The following ALCAM variants were observed in gnomAD, a reference collection of about 807,000 sequenced individuals.
The protein encoded by ALCAM is CD166 antigen.
Under a neutral mutation model 70.9 loss-of-function variants are expected in ALCAM, and 30 were observed. The observed-to-expected ratio is 0.42, with a 90% CI of 0.32 to 0.57. The LOEUF (loss-of-function observed/expected upper bound fraction) is 0.57. Ranked by LOEUF, ALCAM falls within the 20% of genes least tolerant of loss-of-function variation. The probability of loss-of-function intolerance (pLI) is 0.11; values close to 1 mark genes in which losing one functional copy is unlikely to be tolerated. For missense variants in ALCAM, 591 were observed against 695.1 expected (o/e 0.85, Z 1.68); for synonymous variants, 249 against 242.5 (o/e 1.03, Z -0.25).
At chr3:105,443,323 A>G (rs1937219449) in intron 1 of ALCAM, among the ~76,000 whole-genome samples, 1 of 152,318 alleles carries the variant, frequency 6.6e-6, no homozygotes, top group East Asian at 1.9e-4. Context: ...AGCTTTCTCC[A>G]GATCCTGATA....
intron 2 of ALCAM, among the ~76,000 whole-genome samples, chr3:105,521,269 C>T (rs941506447): frequency 2.2e-5 from 3 of 135,930 alleles, no homozygotes; most frequent in African/African-American, 8.3e-5. Flanking sequence ...CCACTGCAGT[C>T]CGCAGTCCGG....
intron 14 of ALCAM, among the ~76,000 whole-genome samples, chr3:105,566,535 T>A (rs570603623): frequency 6.6e-6 from 1 of 152,292 alleles, no homozygotes; most frequent in African/African-American, 2.4e-5. Context: ...TGCCTTCTTT[T>A]GAATTACTTA....
rs537376387 is a variant in ALCAM at position 105,552,766 on chromosome 3, A to G, written c.1664+181A>G. The stretch of plus-strand genomic sequence containing the variant: ...TTTGACTACACTGCCTTTGTCAGGG[A>G]CATGGCTTGGGATACTGTTTCACAT... On this transcript the variant is annotated intron_variant, in intron 14 of 15. Coordinates refer to ENST00000306107, the MANE Select transcript of ALCAM (RefSeq NM_001627.4). 7.1e-5 allele frequency: 101 copies of G among 1,419,998 alleles called. 1 individual carries two copies. In the South Asian group the frequency reaches 1.4e-3, roughly 20 times the overall value. 88.0% of individuals were successfully genotyped at this position (1,419,998 alleles called of 1,614,324 possible).
intron 1 of ALCAM, among the ~76,000 whole-genome samples, chr3:105,489,517 A>T (rs563834795): frequency 1.3e-5 from 2 of 152,336 alleles, no homozygotes; most frequent in East Asian, 3.9e-4. Context: ...ATCACATATC[A>T]TCAAAAATAG....
At chr3:105,422,019 G>A (rs1382815179) in intron 1 of ALCAM, among the ~76,000 whole-genome samples, 1 of 151,180 alleles carries the variant, frequency 6.6e-6, no homozygotes, top group Non-Finnish European at 1.5e-5. Flanking sequence ...AGTCTTCAGG[G>A]TCCATTATAT....
At chr3:105,535,416 A>G (rs2152627732) in intron 6 of ALCAM, among the ~76,000 whole-genome samples, 1 of 152,226 alleles carries the variant, frequency 6.6e-6, no homozygotes, top group Middle Eastern at 3.4e-3. Context: ...CTTTTTCTCC[A>G]TTGCTGTGCT....
chr3:105,504,511 CTCAGCGGCCTAGCCTCTCCT>C (rs1210334093), intron 1 of ALCAM, among the ~76,000 whole-genome samples: 8 of 152,226 alleles, frequency 5.3e-5, no homozygotes, highest in African/African-American at 1.9e-4. Context: ...AGTCTGGCCA[CTCAGCGGCCTAGCCTCTCCT>C]TCAGCTGCCC....
chr3:105,569,116 C>T (rs192745437), intron 14 of ALCAM, among the ~76,000 whole-genome samples: 1 of 151,738 alleles, frequency 6.6e-6, no homozygotes, highest in Admixed American at 6.6e-5. Flanking sequence ...TGAATGTTGA[C>T]TTCTTTATGT....
At chr3:105,424,901 T>C (rs1243831465) in intron 1 of ALCAM, among the ~76,000 whole-genome samples, 1 of 151,738 alleles carries the variant, frequency 6.6e-6, no homozygotes, top group Non-Finnish European at 1.5e-5. Context: ...CTTCACCTAG[T>C]AAATAAATCA....
Position 105,571,957 on chromosome 3 carries a change from T to C in ALCAM, c.*18T>C. On this transcript the variant is annotated 3_prime_UTR_variant, in exon 15 of 16. Transcript: ENST00000306107. ...AAGCCTAAGAGAGAAACTGTCCTAG[T>C]TGTCCAGGTGAGTAGTCTGTACGAG... is the stretch of plus-strand genomic sequence containing the variant. 1 of 1,583,544 alleles carries C rather than the reference T, an allele frequency of 6.3e-7. No homozygotes were observed. The highest frequency in any genetic ancestry group is 8.7e-7 in the Non-Finnish European group (1 of 1,153,514).
chr3:105,446,348 A>G (rs186247984), intron 1 of ALCAM, among the ~76,000 whole-genome samples: 43 of 152,272 alleles, frequency 2.8e-4, no homozygotes, highest in African/African-American at 9.9e-4. Context: ...ATGTGGGGAA[A>G]GGGAATTCTT....
intron 1 of ALCAM, among the ~76,000 whole-genome samples, chr3:105,489,490 A>T (rs1938525078): frequency 6.6e-6 from 1 of 152,172 alleles, no homozygotes; most frequent in Admixed American, 6.5e-5. Flanking sequence ...TCTCTTAAAT[A>T]CAGGACAATA....
intron 1 of ALCAM, among the ~76,000 whole-genome samples, chr3:105,467,438 G>C (rs972275014): frequency 6.6e-6 from 1 of 151,118 alleles, no homozygotes; most frequent in East Asian, 1.9e-4. Context: ...AACATTATTA[G>C]CCTTAAAGAG....
chr3:105,465,679 A>T (rs1020388336), intron 1 of ALCAM, among the ~76,000 whole-genome samples: 1 of 151,386 alleles, frequency 6.6e-6, no homozygotes. Flanking sequence ...AGTTTAGGAA[A>T]TGTTTTACTT....
intron 1 of ALCAM, among the ~76,000 whole-genome samples, chr3:105,420,218 C>G (rs1936612456): frequency 6.6e-6 from 1 of 151,530 alleles, no homozygotes; most frequent in Admixed American, 6.6e-5. Flanking sequence ...GTTCCTCTTC[C>G]TCTCTCTCTT....
At chr3:105,428,059 C>T (rs888228638) in intron 1 of ALCAM, among the ~76,000 whole-genome samples, 3 of 151,834 alleles carry the variant, frequency 2.0e-5, no homozygotes, top group African/African-American at 4.8e-5. Flanking sequence ...TTTGTAATCA[C>T]GAAATATCTG....
At position 105,575,894 on chromosome 3, in the gene ALCAM, T is replaced by TA. The variant is rs1206075790; in HGVS notation, c.*1449dup. The TA allele has an allele frequency of 3.3e-5, 5 of 152,132 alleles. No individual in the cohort carries two copies. The highest frequency in any genetic ancestry group is 1.2e-4 in the African/African-American group (5 of 41,530). The allele number at this position is 152,132 out of a possible 1,614,324, so 9.4% of individuals were successfully genotyped here. On this transcript the variant is annotated 3_prime_UTR_variant, in exon 16 of 16. Coordinates refer to ENST00000306107, the MANE Select transcript of ALCAM (RefSeq NM_001627.4). ...GTGTTTGTTTCTTAGACTCATGAAA[T>TA]AAAAAATTATGAAGGCAATGAAAAA... is the stretch of plus-strand genomic sequence containing the variant.
intron 2 of ALCAM, among the ~76,000 whole-genome samples, chr3:105,522,101 G>C (rs1309751909): frequency 5.3e-5 from 8 of 152,166 alleles, no homozygotes; most frequent in Admixed American, 1.3e-4. Context: ...CACCCAGGGA[G>C]CAGCACAGTT....
At chr3:105,425,019 A>G (rs1249815643) in intron 1 of ALCAM, among the ~76,000 whole-genome samples, 1 of 151,580 alleles carries the variant, frequency 6.6e-6, no homozygotes, top group East Asian at 1.9e-4. Flanking sequence ...CTTACTCTCA[A>G]TTTCACTATA....
Sources: gnomAD v4.1 joint callset for allele counts (sites outside exome capture counted in the v4.1 genomes callset) on GRCh38, gnomAD v4.1.1 for gene constraint, MANE v1.5 for transcripts, NCBI Gene and HGNC (gene_info 2026-07-23, HGNC 2026-07-21) for gene names.